STXBP6: variants seen among roughly 807,000 people sequenced by gnomAD.
STXBP6 encodes syntaxin binding protein 6.
A neutral mutation model predicts 26.9 loss-of-function variants in STXBP6; 21 were observed. The ratio of observed to expected loss-of-function variants is 0.78; its 90% CI spans 0.55 to 1.12. The LOEUF (loss-of-function observed/expected upper bound fraction) is 1.12. STXBP6 is among the 50% of genes most tolerant of loss of function. STXBP6 has a pLI of 0.00. For missense variants in STXBP6, 232 were observed against 257.9 expected (o/e 0.90, Z 0.69); for synonymous variants, 97 against 92.6 (o/e 1.05, Z -0.27).
chr14:24,916,855 T>A (rs1027568211), intron 2 of STXBP6, among the ~76,000 whole-genome samples: 2 of 152,090 alleles, frequency 1.3e-5, no homozygotes, highest in African/African-American at 4.8e-5. Flanking sequence ...TACATGCACA[T>A]TCAAGTTTGA....
chr14:25,012,877 A>C (rs1169870978), intron 1 of STXBP6, among the ~76,000 whole-genome samples: 2 of 152,176 alleles, frequency 1.3e-5, no homozygotes, highest in African/African-American at 4.8e-5. Flanking sequence ...AGGATTCAGG[A>C]GACCACACAA....
chr14:24,840,749 T>G (rs1320321277), intron 4 of STXBP6, among the ~76,000 whole-genome samples: 1 of 152,210 alleles, frequency 6.6e-6, no homozygotes, highest in Non-Finnish European at 1.5e-5. Flanking sequence ...TCATAAATTC[T>G]CTGAGCTGAT....
At chr14:24,856,679 T>C (rs2069343906) in intron 3 of STXBP6, among the ~76,000 whole-genome samples, 1 of 151,718 alleles carries the variant, frequency 6.6e-6, no homozygotes, top group East Asian at 1.9e-4. Flanking sequence ...TTGTCATTAG[T>C]GCCAGTAGGA....
intron 4 of STXBP6, among the ~76,000 whole-genome samples, chr14:24,836,852 C>T (rs974952962): frequency 7.2e-5 from 11 of 152,102 alleles, no homozygotes; most frequent in Admixed American, 2.0e-4. Flanking sequence ...AGCACTTTTA[C>T]GGCAGGATAG....
intron 1 of STXBP6, among the ~76,000 whole-genome samples, chr14:25,010,336 C>T (rs11850957): frequency 0.29 from 44,320 of 152,052 alleles, 8,116 homozygotes; most frequent in African/African-American, 0.52. Flanking sequence ...AATTAAAATG[C>T]GTTCCAATTT....
At chr14:24,850,874 T>G (rs1275500747) in intron 4 of STXBP6, among the ~76,000 whole-genome samples, 1 of 152,162 alleles carries the variant, frequency 6.6e-6, no homozygotes, top group East Asian at 1.9e-4. Flanking sequence ...GTAAAAGGCT[T>G]GGATATGCTT....
chr14:24,863,278 A>T (rs2069607814), intron 2 of STXBP6, among the ~76,000 whole-genome samples: 1 of 152,094 alleles, frequency 6.6e-6, no homozygotes, highest in South Asian at 2.1e-4. Flanking sequence ...TAAATCCATG[A>T]GGGAATGAAT....
At chr14:24,897,502 G>A (rs565925406) in intron 2 of STXBP6, among the ~76,000 whole-genome samples, 1 of 151,566 alleles carries the variant, frequency 6.6e-6, no homozygotes, top group Non-Finnish European at 1.5e-5. Context: ...ATGAAGTCAG[G>A]TTACTTACAG....
At chr14:24,973,472 G>C (rs1332896359) in intron 2 of STXBP6, among the ~76,000 whole-genome samples, 2 of 137,314 alleles carry the variant, frequency 1.5e-5, no homozygotes, top group African/African-American at 5.5e-5. Flanking sequence ...TGCAACCTCT[G>C]CCTCCTGGGT....
chr14:25,036,416 ACTGT>A (rs1223809702), intron 1 of STXBP6, among the ~76,000 whole-genome samples: 2 of 152,120 alleles, frequency 1.3e-5, no homozygotes, highest in African/African-American at 2.4e-5. Flanking sequence ...CAAATGCCCC[ACTGT>A]CTATCTGAAA....
chr14:24,987,428 A>G (rs2074360686), intron 1 of STXBP6, among the ~76,000 whole-genome samples: 1 of 152,250 alleles, frequency 6.6e-6, no homozygotes, highest in Non-Finnish European at 1.5e-5. Context: ...TGAAGGATGA[A>G]GAAGGAGGTT....
chr14:24,982,143 C>G (rs768735966), intron 1 of STXBP6, among the ~76,000 whole-genome samples: 1 of 152,144 alleles, frequency 6.6e-6, no homozygotes, highest in Non-Finnish European at 1.5e-5. Flanking sequence ...TTGAAAATTG[C>G]GGTTTTAAGG....
intron 1 of STXBP6, among the ~76,000 whole-genome samples, chr14:25,008,616 G>C (rs1004650923): frequency 6.6e-6 from 1 of 152,138 alleles, no homozygotes; most frequent in African/African-American, 2.4e-5. Flanking sequence ...TATTTAACTT[G>C]GTGTATGGAG....
In STXBP6 at chr14:25,049,500, G is replaced by C. The variant is rs771105811; in HGVS notation, c.-33+378C>G. On this transcript the variant is annotated intron_variant, in intron 1 of 5. Coordinates refer to ENST00000323944, the MANE Select transcript of STXBP6 (RefSeq NM_001394410.1). The surrounding 1 kb of genome is among the most constrained non-coding windows in gnomAD (Gnocchi z 5.6). ...CGAGCTCCCCCACACTGGGAGCCTC[G>C]GGGCAGCATTCTCGGGGCCCATGCC... is the stretch of plus-strand genomic sequence containing the variant. 8.4e-5 allele frequency: 83 copies of C among 985,266 alleles called. No homozygotes were observed. The highest frequency in any genetic ancestry group is 4.1e-5 in the Non-Finnish European group (34 of 829,954). 61.0% of individuals were successfully genotyped at this position (985,266 alleles called of 1,614,324 possible). A position where few individuals can be genotyped will look rare whatever the true frequency, so the allele number is the denominator to read the frequency against.
At chr14:24,852,091 T>C (rs546451175) in intron 4 of STXBP6, among the ~76,000 whole-genome samples, 24 of 152,260 alleles carry the variant, frequency 1.6e-4, no homozygotes, top group African/African-American at 5.1e-4. Context: ...ACCAGACCTC[T>C]ACCTTCCAAT....
intron 2 of STXBP6, among the ~76,000 whole-genome samples, chr14:24,864,630 A>C (rs1254578210): frequency 6.6e-6 from 1 of 152,164 alleles, no homozygotes; most frequent in Non-Finnish European, 1.5e-5. Flanking sequence ...AAGGGAAAAA[A>C]AAGGGACTCA....
chr14:25,016,165 C>T (rs2075142982), intron 1 of STXBP6, among the ~76,000 whole-genome samples: 1 of 152,066 alleles, frequency 6.6e-6, no homozygotes, highest in African/African-American at 2.4e-5. Context: ...CTTATTATAA[C>T]CTATTATACT....
At chr14:25,042,024 C>T (rs1327655482) in intron 1 of STXBP6, among the ~76,000 whole-genome samples, 1 of 152,168 alleles carries the variant, frequency 6.6e-6, no homozygotes, top group African/African-American at 2.4e-5. Context: ...TGATTTATTG[C>T]ACTTGTGGCT....
At chr14:24,948,716 T>A (rs2073071415) in intron 2 of STXBP6, among the ~76,000 whole-genome samples, 1 of 152,192 alleles carries the variant, frequency 6.6e-6, no homozygotes, top group African/African-American at 2.4e-5. Context: ...GTAGAGTTTA[T>A]CCTTAACAAC....
Sources: gnomAD v4.1 joint callset for allele counts (sites outside exome capture counted in the v4.1 genomes callset) on GRCh38, gnomAD v4.1.1 for gene constraint, Gnocchi (gnomAD v3.1) non-coding constraint, MANE v1.5 for transcripts, NCBI Gene and HGNC (gene_info 2026-07-23, HGNC 2026-07-21) for gene names.